The following ADAMTS16 variants were observed in gnomAD, a reference collection of about 807,000 sequenced individuals.
The protein encoded by ADAMTS16 is A disintegrin and metalloproteinase with thrombospondin motifs 16.
In ADAMTS16, 94 loss-of-function variants were observed where a neutral mutation model predicts 145.8. That is an observed-to-expected ratio of 0.64 (90% CI 0.55 to 0.77). ADAMTS16 has a LOEUF of 0.77. ADAMTS16 is among the 30% of genes least tolerant of loss of function. ADAMTS16 has a pLI of 0.00. For synonymous variants in ADAMTS16, 659 were observed against 604.3 expected (o/e 1.09, Z -1.33); for missense variants, 1,585 against 1,591.5 (o/e 1.00, Z 0.07).
intron 17 of ADAMTS16, 105 bp downstream of exon 17, chr5:5,242,296 T>C (rs1579336115): frequency 2.8e-6 from 4 of 1,421,780 alleles, no homozygotes. Context: ...CCGGGGCTTC[T>C]CCCTGCCAGT....
intron 18 of ADAMTS16, among the ~76,000 whole-genome samples, chr5:5,295,769 A>G (rs1380308523): frequency 6.6e-6 from 1 of 152,226 alleles, no homozygotes; most frequent in Non-Finnish European, 1.5e-5. Flanking sequence ...GATCCAGAGA[A>G]TACTCTAGTG....
intron 14 of ADAMTS16, among the ~76,000 whole-genome samples, chr5:5,237,957 GA>G (rs1238257080): frequency 2.0e-4 from 30 of 152,214 alleles, no homozygotes; most frequent in African/African-American, 7.2e-4. Context: ...TTCAAATGAA[GA>G]AGTTTTTCAA....
intron 14 of ADAMTS16, among the ~76,000 whole-genome samples, chr5:5,238,176 T>C (rs1262674040): frequency 6.6e-6 from 1 of 152,192 alleles, no homozygotes; most frequent in Non-Finnish European, 1.5e-5. Flanking sequence ...AATTGATGTG[T>C]TCACTATTTT....
intron 21 of ADAMTS16, 36 bp downstream of exon 21, chr5:5,306,764 G>A: frequency 2.6e-6 from 4 of 1,539,280 alleles, no homozygotes; most frequent in Non-Finnish European, 3.5e-6. Flanking sequence ...GAGTGGGCGA[G>A]CACAGCTTGG....
Position 5,140,437 on chromosome 5 carries a change from G to T in ADAMTS16, c.-31G>T. 1 of 1,492,252 alleles carries T rather than the reference G, an allele frequency of 6.7e-7. No individual in the cohort carries two copies. Among genetic ancestry groups the T allele is most frequent in the South Asian group, 1.2e-5 (1 of 80,188 alleles). The allele number at this position is 1,492,252 out of a possible 1,614,324, so 92.4% of individuals were successfully genotyped here. The stretch of plus-strand genomic sequence containing the variant: ...GCACGCTGCCGGCCGGGGACCCTCC[G>T]GTGGCCCCTAGCCCCTCGGAGCGCT... On this transcript the variant is annotated 5_prime_UTR_variant, in exon 1 of 23. Coordinates refer to ENST00000274181, the MANE Select transcript of ADAMTS16 (RefSeq NM_139056.4).
rs1734999673 is a variant in ADAMTS16, at chr5:5,169,800, C to T, written c.502-12244C>T. Among the ~76,000 whole-genome samples, 3 of 152,112 alleles carry T rather than the reference C, an allele frequency of 2.0e-5. 1 individual carries two copies. In the South Asian group the frequency reaches 6.2e-4, roughly 32 times the overall value. ...GTTCCTGTTCTCGCCTGCTCATGTG[C>T]CCTCGGGTTCTTGTCTGGACTTGGG... On this transcript the variant is annotated intron_variant, in intron 3 of 22. Transcript: ENST00000274181.
intron 3 of ADAMTS16, among the ~76,000 whole-genome samples, chr5:5,175,475 GA>G (rs1735167035): frequency 6.6e-6 from 1 of 152,154 alleles, no homozygotes; most frequent in Non-Finnish European, 1.5e-5. Context: ...GAAGCTGGGG[GA>G]GGGCTAACAC....
At chr5:5,191,934 T>A (rs1735671948) in intron 8 of ADAMTS16, 144 bp downstream of exon 8, 1 of 619,928 alleles carries the variant, frequency 1.6e-6, no homozygotes, top group South Asian at 1.9e-5. Flanking sequence ...TATAAAATGC[T>A]GTCACTTAGG....
intron 18 of ADAMTS16, among the ~76,000 whole-genome samples, chr5:5,274,270 T>C (rs1409739194): frequency 2.0e-5 from 3 of 152,150 alleles, no homozygotes; most frequent in Non-Finnish European, 2.9e-5. Flanking sequence ...ATGCTGTGGG[T>C]CTGGACAAAT....
intron 3 of ADAMTS16, among the ~76,000 whole-genome samples, chr5:5,163,441 T>C (rs1734791562): frequency 6.6e-6 from 1 of 152,202 alleles, no homozygotes; most frequent in Non-Finnish European, 1.5e-5. Context: ...CCCACAGGAT[T>C]CTGACATGTA....
chr5:5,303,451 C>T lies in ADAMTS16; in HGVS notation c.2973C>T (p.Ser991=), dbSNP rs766291833. The change falls in exon 19 of 23, where the codon AGC becomes AGT. Residue 991 remains serine, a synonymous_variant. Transcript: ENST00000274181. ...CNSQSCPPAW[S]AGPWAECSHT... ...CTCAGAGCTGCCCACCTGCATGGAG[C>T]GCCGGGCCCTGGGCAGAGGTAACCA... The T allele has an allele frequency of 2.2e-5, 36 of 1,610,700 alleles. No homozygotes were observed. Among genetic ancestry groups the T allele is most frequent in the Middle Eastern group, 1.7e-4 (1 of 6,032 alleles).
Position 5,307,254 on chromosome 5 carries a change from C to T in ADAMTS16, c.3411+526C>T, listed in dbSNP as rs78776617. On this transcript the variant is annotated intron_variant, in intron 21 of 22. Coordinates refer to ENST00000274181, the MANE Select transcript of ADAMTS16 (RefSeq NM_139056.4). ...GCTGCTGGCATTTCTGCTTTCGGGT[C>T]GGGGTGGGCCCAGACCCCTTAGGAG... Among the ~76,000 whole-genome samples the T allele has an allele frequency of 7.9e-3, 1,205 of 152,202 alleles. 18 individuals carry two copies. The highest frequency in any genetic ancestry group is 0.027 in the African/African-American group (1,120 of 41,530).
At position 5,303,331 on chromosome 5, in the gene ADAMTS16, C is replaced by T. The variant is rs754078654; in HGVS notation, c.2853C>T (p.Pro951=). The change falls in exon 19 of 23, where the codon CCC becomes CCT. Residue 951 remains proline, a synonymous_variant. Coordinates refer to ENST00000274181, the MANE Select transcript of ADAMTS16 (RefSeq NM_139056.4). ...RTCGGGAQSR[P]VQCTRRVHYD... is the part of the protein sequence containing the mutation. ...GTGGCGGGGGTGCCCAGAGCCGCCC[C>T]GTGCAGTGCACACGGCGGGTGCACT... 10 of 1,606,210 alleles carry T rather than the reference C, an allele frequency of 6.2e-6. No homozygotes were observed. In the South Asian group the frequency reaches 6.7e-5, roughly 11 times the overall value.
In ADAMTS16 at chr5:5,146,114, A is replaced by T. The variant is rs746968374; in HGVS notation, c.176-16A>T. 4 of 1,604,108 alleles carry T rather than the reference A, an allele frequency of 2.5e-6. No homozygotes were observed. The African/African-American group carries it at 4.0e-5, about 16-fold the overall frequency. Reference sequence around the variant, plus strand: ...TTCCGAAATGACTCAGCCTCTGCTCACTCTTTTGATTTCAGAATATGACCT... The same window carrying T: ...TTCCGAAATGACTCAGCCTCTGCTCTCTCTTTTGATTTCAGAATATGACCT... On this transcript the variant is annotated splice_polypyrimidine_tract_variant and intron_variant, in intron 2 of 22. Coordinates refer to ENST00000274181, the MANE Select transcript of ADAMTS16 (RefSeq NM_139056.4).
At chr5:5,226,296 C>T (rs1736765002) in intron 11 of ADAMTS16, among the ~76,000 whole-genome samples, 1 of 152,046 alleles carries the variant, frequency 6.6e-6, no homozygotes, top group South Asian at 2.1e-4. Flanking sequence ...TGGTGGAAGG[C>T]AAAGGAGAAG....
chr5:5,178,397 T>A (rs1038192109), intron 3 of ADAMTS16, among the ~76,000 whole-genome samples: 1 of 152,226 alleles, frequency 6.6e-6, no homozygotes, highest in Non-Finnish European at 1.5e-5. Context: ...CCTAGACATT[T>A]TGAGTTTCCA....
At chr5:5,168,696 A>AT (rs397722624) in intron 3 of ADAMTS16, among the ~76,000 whole-genome samples, 1 of 127,764 alleles carries the variant, frequency 7.8e-6, no homozygotes, top group South Asian at 2.3e-4. Context: ...AATTATATAA[A>AT]TATAATATAT....
At chr5:5,267,913 A>G (rs1738306535) in intron 18 of ADAMTS16, among the ~76,000 whole-genome samples, 1 of 152,098 alleles carries the variant, frequency 6.6e-6, no homozygotes, top group Admixed American at 6.6e-5. Flanking sequence ...ATACATCCCA[A>G]TGGATGAGAA....
chr5:5,159,814 G>T (rs1293816377), intron 3 of ADAMTS16, among the ~76,000 whole-genome samples: 1 of 152,216 alleles, frequency 6.6e-6, no homozygotes, highest in African/African-American at 2.4e-5. Context: ...TTGAAAGAAA[G>T]TTGTCTATTC....
Sources: allele counts gnomAD v4.1 joint callset (sites outside exome capture counted in the v4.1 genomes callset), GRCh38; gene constraint gnomAD v4.1.1; transcripts MANE v1.5; gene names NCBI Gene and HGNC (gene_info 2026-07-23, HGNC 2026-07-21).